The following CORO2B variants were observed in gnomAD, a reference collection of about 807,000 sequenced individuals.
CORO2B encodes coronin-2B.
A neutral mutation model predicts 58.8 loss-of-function variants in CORO2B; 26 were observed. That is an observed-to-expected ratio of 0.44 (90% CI 0.32 to 0.61). CORO2B has a LOEUF of 0.61. Ranked by LOEUF, CORO2B falls within the 20% of genes least tolerant of loss-of-function variation. The probability of loss-of-function intolerance (pLI) is 0.04; values close to 1 mark genes in which losing one functional copy is unlikely to be tolerated. For missense variants in CORO2B, 460 were observed against 645.1 expected, an observed-to-expected ratio of 0.71 and a Z score of 3.11; for synonymous variants, 242 against 253.8, an observed-to-expected ratio of 0.95 and a Z score of 0.44.
the CORO2B span, chr15:68,559,745 A>C: frequency 1.8e-6 from 1 of 562,668 alleles, no homozygotes; most frequent in Non-Finnish European, 2.3e-6. The surrounding 1 kb of genome is among the most constrained non-coding windows in gnomAD (Gnocchi z 4.3). Flanking sequence ...GGCGCCCGAG[A>C]CCGCTCCACG....
the CORO2B span, among the ~76,000 whole-genome samples, chr15:68,573,398 G>C: frequency 6.6e-6 from 1 of 152,144 alleles, no homozygotes; most frequent in Non-Finnish European, 1.5e-5. Flanking sequence ...GGTGGGGGCA[G>C]AGCTGGAGGA....
chr15:68,629,328 G>A (rs962823674), intron 1 of CORO2B, among the ~76,000 whole-genome samples: 1 of 152,228 alleles, frequency 6.6e-6, no homozygotes, highest in Non-Finnish European at 1.5e-5. Flanking sequence ...GGGTGTAAGT[G>A]GGGGCTGAAA....
At position 68,645,836 on chromosome 15, in the gene CORO2B, C is replaced by T. The variant is rs753228038; in HGVS notation, c.216+476C>T. Among the ~76,000 whole-genome samples, 3 of 152,002 alleles carry T rather than the reference C, an allele frequency of 2.0e-5. No homozygotes were observed. The highest frequency in any genetic ancestry group is 4.4e-5 in the Non-Finnish European group (3 of 68,012). On this transcript the variant is annotated intron_variant, in intron 2 of 11. Coordinates refer to ENST00000261861, the MANE Select transcript of CORO2B (RefSeq NM_006091.5). This position sits in a 1 kb window ranked among gnomAD's most constrained non-coding sequence, Gnocchi z 4.5. ...TCGTCCAGGCTGAAGTTCAATGGCGCGATCTCGGCTCACTGCAACCTCTGC... is the reference window on the plus strand; with the variant it reads ...TCGTCCAGGCTGAAGTTCAATGGCGTGATCTCGGCTCACTGCAACCTCTGC...
rs114714088 is a variant in CORO2B, at chr15:68,669,466, G to A, written c.216+24106G>A. Among the ~76,000 whole-genome samples the A allele has an allele frequency of 3.3e-3, 498 of 152,300 alleles. 4 individuals are homozygous for A. The highest frequency in any genetic ancestry group is 0.011 in the African/African-American group (476 of 41,566). On this transcript the variant is annotated intron_variant, in intron 2 of 11. Coordinates refer to ENST00000261861, the MANE Select transcript of CORO2B (RefSeq NM_006091.5). Reference sequence around the variant, plus strand: ...GGTCAGTTTTCCAGCCTGGTGGGTGGGATGTGTTCTCTGACTGAAATTGCA... The same window carrying A: ...GGTCAGTTTTCCAGCCTGGTGGGTGAGATGTGTTCTCTGACTGAAATTGCA...
At chr15:68,518,716 C>T in the CORO2B span, among the ~76,000 whole-genome samples, 1 of 152,058 alleles carries the variant, frequency 6.6e-6, no homozygotes. Context: ...CCAGGGGCTT[C>T]CTGGGAACCC....
chr15:68,620,578 G>A (rs1463247209), intron 1 of CORO2B, among the ~76,000 whole-genome samples: 2 of 152,182 alleles, frequency 1.3e-5, no homozygotes, highest in East Asian at 1.9e-4. Flanking sequence ...AAAAGTCTGC[G>A]TTTAGGGAAC....
At position 68,620,599 on chromosome 15, in the gene CORO2B, G is replaced by A. The variant is rs140566747; in HGVS notation, c.16-24561G>A. On this transcript the variant is annotated intron_variant, in intron 1 of 11. Transcript: ENST00000261861. ...CTGCGTTTAGGGAACACCTGGTCCC[G>A]CATCTTGCTTTTGAATCAGTTTTAT... 6.9e-4 allele frequency among the ~76,000 whole-genome samples: 105 copies of A among 152,288 alleles called. 1 individual carries two copies. In the South Asian group the frequency reaches 0.014, roughly 20 times the overall value.
chr15:68,627,652 C>T (rs1358403806), intron 1 of CORO2B, among the ~76,000 whole-genome samples: 1 of 152,148 alleles, frequency 6.6e-6, no homozygotes, highest in Admixed American at 6.5e-5. Flanking sequence ...TCTTCATCTG[C>T]AGGATGGGAC....
rs577847828 is a variant in CORO2B at position 68,623,379 on chromosome 15, T to C, written c.16-21781T>C. Among the ~76,000 whole-genome samples, 109 of 152,172 alleles carry C rather than the reference T, an allele frequency of 7.2e-4. 1 individual carries two copies. In the South Asian group the frequency reaches 0.013, roughly 19 times the overall value. On this transcript the variant is annotated intron_variant, in intron 1 of 11. Transcript: ENST00000261861. ...AGACCCTGGGTGCTTTGCACCACCA[T>C]TGGAAGGTCATGTGGGAGCCCTGGC...
chr15:68,551,491 C>T, the CORO2B span, among the ~76,000 whole-genome samples: 9 of 152,158 alleles, frequency 5.9e-5, no homozygotes, highest in South Asian at 4.1e-4. Flanking sequence ...TGGGCCTCCC[C>T]GGCCTCCTCT....
At chr15:68,716,645 G>A (rs913649988) in intron 8 of CORO2B, among the ~76,000 whole-genome samples, 3 of 152,200 alleles carry the variant, frequency 2.0e-5, no homozygotes, top group African/African-American at 7.2e-5. Context: ...ACTTCACCCC[G>A]GTGGTCAGGG....
chr15:68,529,141 T>C, the CORO2B span, among the ~76,000 whole-genome samples: 1 of 151,980 alleles, frequency 6.6e-6, no homozygotes, highest in African/African-American at 2.4e-5. Flanking sequence ...GGCTTGAAGG[T>C]GGTTTGGCAG....
the CORO2B span, among the ~76,000 whole-genome samples, chr15:68,527,980 T>A: frequency 1.3e-5 from 2 of 152,214 alleles, no homozygotes; most frequent in Non-Finnish European, 2.9e-5. Flanking sequence ...TAGCCTTGCA[T>A]CCTGTGATCT....
At chr15:68,709,204 G>C (rs1892853358) in intron 3 of CORO2B, among the ~76,000 whole-genome samples, 1 of 152,162 alleles carries the variant, frequency 6.6e-6, no homozygotes, top group Non-Finnish European at 1.5e-5. Context: ...GGGTCAAAGA[G>C]TATAATATAA....
chr15:68,594,311 T>G (rs961434806), intron 1 of CORO2B, among the ~76,000 whole-genome samples: 4 of 152,114 alleles, frequency 2.6e-5, no homozygotes, highest in African/African-American at 9.7e-5. Flanking sequence ...TCCCCAAGAA[T>G]AGCAGACATG....
intron 2 of CORO2B, among the ~76,000 whole-genome samples, chr15:68,651,357 C>T (rs1389346415): frequency 2.0e-5 from 3 of 152,182 alleles, no homozygotes; most frequent in Non-Finnish European, 2.9e-5. Flanking sequence ...AGGCCCAATG[C>T]GGAACCCTTC....
chr15:68,634,680 A>T (rs1900970769), intron 1 of CORO2B, among the ~76,000 whole-genome samples: 2 of 152,204 alleles, frequency 1.3e-5, no homozygotes, highest in Non-Finnish European at 2.9e-5. Flanking sequence ...GACTTCCTGA[A>T]TCAGAAACTG....
the CORO2B span, among the ~76,000 whole-genome samples, chr15:68,540,472 A>G: frequency 2.0e-5 from 3 of 152,382 alleles, no homozygotes; most frequent in Non-Finnish European, 4.4e-5. Context: ...TGCCAAATAC[A>G]CAAGTCTGAT....
chr15:68,551,354 G>A, the CORO2B span, among the ~76,000 whole-genome samples: 1 of 152,116 alleles, frequency 6.6e-6, no homozygotes. Context: ...CCTCCCCGCA[G>A]GCCCAGGCCC....
Sources: gnomAD v4.1 joint callset for allele counts (sites outside exome capture counted in the v4.1 genomes callset) on GRCh38, gnomAD v4.1.1 for gene constraint, Gnocchi (gnomAD v3.1) non-coding constraint, MANE v1.5 for transcripts, NCBI Gene and HGNC (gene_info 2026-07-23, HGNC 2026-07-21) for gene names.